TJP2: variants seen among roughly 807,000 people sequenced by gnomAD.
TJP2 encodes the protein tight junction protein 2.
TJP2 carries 91 observed loss-of-function variants against 133.1 expected under a neutral mutation model. That is an observed-to-expected ratio of 0.68 (90% CI 0.58 to 0.81). TJP2 has a LOEUF of 0.81. Ranked by LOEUF, TJP2 falls within the 40% of genes least tolerant of loss-of-function variation. The probability of loss-of-function intolerance (pLI) is 0.00; values close to 1 mark genes in which losing one functional copy is unlikely to be tolerated. For synonymous variants in TJP2, 592 were observed against 583.4 expected (o/e 1.01, Z -0.21); for missense variants, 1,541 against 1,565.6 (o/e 0.98, Z 0.26).
At chr9:69,238,141 T>C (rs903922090) in intron 15 of TJP2, among the ~76,000 whole-genome samples, 168 bp downstream of exon 15, 3 of 152,024 alleles carry the variant, frequency 2.0e-5, no homozygotes, top group African/African-American at 7.3e-5. Flanking sequence ...TAGACACACA[T>C]ACACACACAC....
At position 69,238,713 on chromosome 9, in the gene TJP2, C is replaced by T. The variant is rs370850127; in HGVS notation, c.2279C>T (p.Thr760Met). ...CTTCCTGTTTTTGCTTTTGCAGAAA[C>T]GGAACCAAAAGATGCAGGATCTGAG... ...ELPDWFQTAKTEPKDAGSEKS... is the reference protein window; with the variant it reads ...ELPDWFQTAKMEPKDAGSEKS... The change falls in exon 16 of 23, where the codon ACG (threonine) becomes ATG (methionine). Residue 760 changes from threonine (T) to methionine (M), a missense_variant. By Grantham distance (81) the Thr-to-Met change is moderately conservative. Transcript: ENST00000377245. The T allele has an allele frequency of 5.7e-5, 92 of 1,613,404 alleles. 1 individual carries two copies. Among genetic ancestry groups the T allele is most frequent in the Non-Finnish European group, 6.7e-5 (79 of 1,179,688 alleles).
At chr9:69,128,549 G>T (rs1822351959) in intron 1 of TJP2, among the ~76,000 whole-genome samples, 1 of 146,002 alleles carries the variant, frequency 6.8e-6, no homozygotes, top group South Asian at 2.1e-4. Context: ...TTGAGATGGA[G>T]TCTGGCTCTG....
At chr9:69,254,011 C>T (rs914442522) in intron 22 of TJP2, 198 bp from the exon 23 acceptor site, 29 of 642,792 alleles carry the variant, frequency 4.5e-5, no homozygotes, top group East Asian at 2.5e-4. Context: ...CCTCACTCAC[C>T]GCCGAAGTGG....
chr9:69,145,554 C>T (rs1217237403), intron 1 of TJP2: 4 of 406,814 alleles, frequency 9.8e-6, no homozygotes, highest in African/African-American at 8.2e-5. Flanking sequence ...TTGTGGTCTG[C>T]CCCCCCATCA....
chr9:69,172,247 G>A (rs1447507813), upstream of TJP2, among the ~76,000 whole-genome samples: 1 of 152,342 alleles, frequency 6.6e-6, no homozygotes, highest in South Asian at 2.1e-4. Flanking sequence ...ACTGAACCGT[G>A]TTTCTAACAA....
intron 1 of TJP2, among the ~76,000 whole-genome samples, chr9:69,131,351 G>A (rs934903867): frequency 6.6e-6 from 1 of 152,308 alleles, no homozygotes; most frequent in Non-Finnish European, 1.5e-5. Flanking sequence ...ACGTTGTGAA[G>A]GTCAGGAGGT....
At chr9:69,199,603 C>T (rs1826842727) in intron 1 of TJP2, among the ~76,000 whole-genome samples, 1 of 152,150 alleles carries the variant, frequency 6.6e-6, no homozygotes, top group Non-Finnish European at 1.5e-5. Flanking sequence ...ACCATTGGCC[C>T]ATTTATTGGA....
chr9:69,161,345 C>T (rs28711298), intron 2 of TJP2, among the ~76,000 whole-genome samples: 64,509 of 151,956 alleles, frequency 0.42, 13,971 homozygotes, highest in East Asian at 0.63. Flanking sequence ...TCTCCTGCCT[C>T]AGCCTCCCAA....
intron 1 of TJP2, among the ~76,000 whole-genome samples, chr9:69,200,114 G>A (rs1475307326): frequency 1.3e-5 from 2 of 152,138 alleles, no homozygotes; most frequent in East Asian, 1.9e-4. Context: ...TGCTGAGAAC[G>A]TGAAATCCTG....
intron 4 of TJP2, 35 bp from the exon 5 acceptor site, chr9:69,220,852 G>C (rs753398825): frequency 6.2e-7 from 1 of 1,601,098 alleles, no homozygotes; most frequent in Admixed American, 1.7e-5. Context: ...AGTTGTGATT[G>C]TCCTGCGTCC....
intron 1 of TJP2, chr9:69,204,954 A>G: frequency 7.7e-7 from 1 of 1,299,494 alleles, no homozygotes; most frequent in Non-Finnish European, 9.7e-7. Flanking sequence ...TGCAAATCCA[A>G]ACTGCTTTCT....
chr9:69,128,584 G>A (rs1282244419), intron 1 of TJP2, among the ~76,000 whole-genome samples: 2 of 151,154 alleles, frequency 1.3e-5, no homozygotes, highest in Non-Finnish European at 2.9e-5. Flanking sequence ...GTGCAGTGGA[G>A]TGATCTCGTT....
At chr9:69,155,289 C>T (rs915064655) in intron 2 of TJP2, among the ~76,000 whole-genome samples, 9 of 151,064 alleles carry the variant, frequency 6.0e-5, no homozygotes, top group South Asian at 2.1e-4. Flanking sequence ...GGTGAAAGCT[C>T]GAAACTTTTA....
intron 21 of TJP2, 126 bp from the exon 22 acceptor site, chr9:69,252,686 CTCT>C: frequency 1.1e-6 from 1 of 884,844 alleles, no homozygotes; most frequent in South Asian, 1.4e-5. Flanking sequence ...TCTGTGTTTC[CTCT>C]TCTTGAAATG....
At chr9:69,207,014 G>A (rs985589355) in intron 1 of TJP2, among the ~76,000 whole-genome samples, 10 of 152,062 alleles carry the variant, frequency 6.6e-5, no homozygotes, top group Admixed American at 2.0e-4. Flanking sequence ...GACAAAACAC[G>A]AAGGAAATTT....
chr9:69,140,910 G>C (rs1470831552), intron 1 of TJP2, among the ~76,000 whole-genome samples: 6 of 152,162 alleles, frequency 3.9e-5, no homozygotes, highest in African/African-American at 1.4e-4. Flanking sequence ...GCAGTGGTGC[G>C]ATCTTGGCTC....
chr9:69,162,668 G>A (rs1422195143), intron 2 of TJP2, among the ~76,000 whole-genome samples: 1 of 152,250 alleles, frequency 6.6e-6, no homozygotes, highest in East Asian at 1.9e-4. Flanking sequence ...CTATTCTTAT[G>A]TAGAAATAGG....
Position 69,169,125 on chromosome 9 carries a change from T to C in TJP2, c.-10+17354T>C, listed in dbSNP as rs571258951. Among the ~76,000 whole-genome samples, 49 of 152,272 alleles carry C rather than the reference T, an allele frequency of 3.2e-4. No individual in the cohort carries two copies. The South Asian group carries it at 8.9e-3, about 28-fold the overall frequency. On this transcript the variant is annotated intron_variant, in intron 2 of 5. Coordinates refer to the TJP2 transcript ENST00000423935. Reference sequence around the variant, plus strand: ...AGCTGCTGCCTCAGCACTTTAGTCATCTCTGTAGTTGAGCAATTCTCCTAA... The same window carrying C: ...AGCTGCTGCCTCAGCACTTTAGTCACCTCTGTAGTTGAGCAATTCTCCTAA...
chr9:69,253,935 AG>A, intron 22 of TJP2: 1 of 487,864 alleles, frequency 2.0e-6, no homozygotes, highest in Non-Finnish European at 3.8e-6. Context: ...CAGGGAGCTT[AG>A]GGGTAAGGAG....
Sources: allele counts gnomAD v4.1 joint callset (sites outside exome capture counted in the v4.1 genomes callset), GRCh38; gene constraint gnomAD v4.1.1; transcripts MANE v1.5; gene names NCBI Gene and HGNC (gene_info 2026-07-23, HGNC 2026-07-21).